SNED1: variants seen among roughly 807,000 people sequenced by gnomAD.
The protein encoded by SNED1 is sushi, nidogen and EGF like domains 1.
A neutral mutation model predicts 166.7 loss-of-function variants in SNED1; 81 were observed. The ratio of observed to expected loss-of-function variants is 0.49; its 90% CI spans 0.41 to 0.58. SNED1 has a LOEUF of 0.58. SNED1 is among the 20% of genes least tolerant of loss of function. The probability of loss-of-function intolerance (pLI) is 0.00; values close to 1 mark genes in which losing one functional copy is unlikely to be tolerated. For synonymous variants in SNED1, 762 were observed against 822.0 expected, an observed-to-expected ratio of 0.93 and a Z score of 1.25; for missense variants, 1,604 against 2,000.2, an observed-to-expected ratio of 0.80 and a Z score of 3.78.
chr2:241,030,209 G>A (rs1250626472), intron 1 of SNED1, 75 bp from the exon 2 acceptor site: 1 of 1,396,252 alleles, frequency 7.2e-7, no homozygotes, highest in Non-Finnish European at 9.7e-7. Context: ...GGTGGCAGGG[G>A]CTGGGGAGGC....
At chr2:241,031,884 C>T (rs2061182213) in intron 2 of SNED1, among the ~76,000 whole-genome samples, 1 of 152,234 alleles carries the variant, frequency 6.6e-6, no homozygotes, top group Non-Finnish European at 1.5e-5. Context: ...TAGCCCAGCA[C>T]CAAGCGGCAC....
At position 241,030,641 on chromosome 2, in the gene SNED1, C is replaced by A. The variant is rs1290322060; in HGVS notation, c.501+70C>A. ...GGCCCAGGGTCTCCCCGCACCAGGG[C>A]TCCCTCTTGCTGATGTGGGTGTGGT... is the stretch of plus-strand genomic sequence containing the variant. On this transcript the variant is annotated intron_variant, in intron 2 of 31. Coordinates refer to ENST00000310397, the MANE Select transcript of SNED1 (RefSeq NM_001080437.3). 4.7e-6 allele frequency: 7 copies of A among 1,486,150 alleles called. No homozygotes were observed. The South Asian group carries it at 8.8e-5, about 19-fold the overall frequency. The allele number at this position is 1,486,150 out of a possible 1,614,324, so 92.1% of individuals were successfully genotyped here.
chr2:241,042,110 C>T (rs1277460362), intron 8 of SNED1, among the ~76,000 whole-genome samples: 1 of 152,062 alleles, frequency 6.6e-6, no homozygotes, highest in Non-Finnish European at 1.5e-5. Context: ...GACAAAGATC[C>T]TAGTTCAGTG....
intron 3 of SNED1, 46 bp downstream of exon 3, chr2:241,033,921 C>T (rs770693593): frequency 1.9e-6 from 3 of 1,545,560 alleles, no homozygotes; most frequent in South Asian, 2.5e-5. Flanking sequence ...CCCTGCTCCC[C>T]ACAGCCAGGA....
intron 15 of SNED1, among the ~76,000 whole-genome samples, chr2:241,052,683 GGGTC>G (rs1574996597): frequency 4.7e-5 from 2 of 42,152 alleles, no homozygotes; most frequent in East Asian, 1.1e-3. Context: ...GCAGGTGAGA[GGGTC>G]GGCGGGGGGG....
At chr2:241,080,391 AGTTCT>A (rs1172043692) in intron 27 of SNED1, among the ~76,000 whole-genome samples, 1 of 152,232 alleles carries the variant, frequency 6.6e-6, no homozygotes, top group Non-Finnish European at 1.5e-5. Context: ...CTAATTTTCT[AGTTCT>A]GTTCATTGAA....
At chr2:241,034,438 G>C (rs769128706) in intron 3 of SNED1, 130 bp from the exon 4 acceptor site, 1 of 833,418 alleles carries the variant, frequency 1.2e-6, no homozygotes, top group African/African-American at 1.8e-5. Flanking sequence ...TCCCAGGAAC[G>C]GTTGGCTGAG....
intron 27 of SNED1, among the ~76,000 whole-genome samples, chr2:241,078,429 A>G (rs1286819997): frequency 6.6e-6 from 1 of 151,640 alleles, no homozygotes; most frequent in Non-Finnish European, 1.5e-5. Flanking sequence ...TAAGCAAAAC[A>G]TGGTATATCC....
chr2:241,087,519 C>A, intron 30 of SNED1, 44 bp downstream of exon 30: 1 of 1,566,076 alleles, frequency 6.4e-7, no homozygotes, highest in East Asian at 2.4e-5. Context: ...GCATGTAGCC[C>A]ACAGGGTGAT....
chr2:241,089,159 C>T, intron 31 of SNED1: 3 of 781,216 alleles, frequency 3.8e-6, no homozygotes, highest in Non-Finnish European at 6.0e-6. Flanking sequence ...AGAAAGCCAT[C>T]TACAACCTGT....
intron 24 of SNED1, among the ~76,000 whole-genome samples, chr2:241,070,513 G>A (rs564800600): frequency 2.6e-5 from 4 of 152,198 alleles, no homozygotes; most frequent in Admixed American, 2.6e-4. Context: ...GGGTGGCAGC[G>A]AGGAGGAAGC....
At chr2:241,035,298 A>C (rs1469538109) in intron 4 of SNED1, among the ~76,000 whole-genome samples, 1 of 152,160 alleles carries the variant, frequency 6.6e-6, no homozygotes. Context: ...CATCACGTCT[A>C]CAGGGGAGTT....
At chr2:241,088,158 T>C in intron 30 of SNED1, 1 of 568,016 alleles carries the variant, frequency 1.8e-6, no homozygotes. Context: ...AGCCTTGTCA[T>C]TCCTAAACTA....
At chr2:241,088,567 G>A (rs2063704426) in intron 31 of SNED1, 165 bp downstream of exon 31, 1 of 631,512 alleles carries the variant, frequency 1.6e-6, no homozygotes, top group Non-Finnish European at 2.8e-6. Flanking sequence ...GGAAGGTTCA[G>A]AAGTCCCCAA....
chr2:241,064,028 C>T lies in SNED1; in HGVS notation c.2502C>T (p.Asp834=). ...VHCETEVDAC[D]SSPCQHGGRC... ...GTTCTCCAGAGGTGGACGCCTGCGACTCCAGCCCCTGCCAGCATGGAGGCC... is the reference window on the plus strand; with the variant it reads ...GTTCTCCAGAGGTGGACGCCTGCGATTCCAGCCCCTGCCAGCATGGAGGCC... The change falls in exon 19 of 32, where the codon GAC becomes GAT. Residue 834 remains aspartate (D), a synonymous_variant. Coordinates refer to ENST00000310397, the MANE Select transcript of SNED1 (RefSeq NM_001080437.3). The surrounding 1 kb of genome is among the most constrained non-coding windows in gnomAD (Gnocchi z 7.0). 1 of 1,556,494 alleles carries T rather than the reference C, an allele frequency of 6.4e-7. No individual in the cohort carries two copies.
chr2:241,058,079 A>G (rs2062115787), intron 16 of SNED1, among the ~76,000 whole-genome samples: 1 of 152,194 alleles, frequency 6.6e-6, no homozygotes, highest in South Asian at 2.1e-4. Flanking sequence ...ACATAAGACT[A>G]TACAAAGAAT....
At chr2:241,003,658 ATGG>A (rs2060137113) in intron 1 of SNED1, among the ~76,000 whole-genome samples, 1 of 152,180 alleles carries the variant, frequency 6.6e-6, no homozygotes, top group Non-Finnish European at 1.5e-5. Context: ...CTGTTGGAAC[ATGG>A]TAGTGTGGTA....
At chr2:241,009,646 C>T (rs547146276) in intron 1 of SNED1, among the ~76,000 whole-genome samples, 1 of 152,120 alleles carries the variant, frequency 6.6e-6, no homozygotes, top group Non-Finnish European at 1.5e-5. Flanking sequence ...GGCATCAACA[C>T]TCTCCTGGGA....
chr2:241,042,823 G>T (rs2061553539), intron 8 of SNED1, among the ~76,000 whole-genome samples: 1 of 152,154 alleles, frequency 6.6e-6, no homozygotes, highest in Non-Finnish European at 1.5e-5. Context: ...ATCACAGAGA[G>T]AATAAGACTA....
Sources: allele counts gnomAD v4.1 joint callset (sites outside exome capture counted in the v4.1 genomes callset), GRCh38; gene constraint gnomAD v4.1.1; non-coding constraint Gnocchi (gnomAD v3.1); transcripts MANE v1.5; gene names NCBI Gene and HGNC (gene_info 2026-07-23, HGNC 2026-07-21).